MSRA: variants seen among roughly 807,000 people sequenced by gnomAD.
The protein encoded by MSRA is mitochondrial peptide methionine sulfoxide reductase.
In MSRA, 54 loss-of-function variants were observed where a neutral mutation model predicts 31.3. The ratio of observed to expected loss-of-function variants is 1.73; its 90% CI spans 1.39 to 2.17. The LOEUF (loss-of-function observed/expected upper bound fraction) is 2.17. Among genes scored for constraint, MSRA ranks in the 30% most tolerant of loss-of-function variants. The probability of loss-of-function intolerance (pLI) is 0.00; values close to 1 mark genes in which losing one functional copy is unlikely to be tolerated. For missense variants in MSRA, 507 were observed against 300.9 expected (o/e 1.69, Z -5.07); for synonymous variants, 169 against 116.5 (o/e 1.45, Z -2.90).
At chr8:10,348,604 G>A (rs555740474) in intron 5 of MSRA, among the ~76,000 whole-genome samples, 6 of 152,154 alleles carry the variant, frequency 3.9e-5, no homozygotes, top group African/African-American at 7.2e-5. Flanking sequence ...TCTTGACCTC[G>A]TGATCCGCCT....
chr8:10,177,738 C>T (rs566758654), intron 1 of MSRA, among the ~76,000 whole-genome samples: 2 of 152,328 alleles, frequency 1.3e-5, no homozygotes, highest in Non-Finnish European at 1.5e-5. Flanking sequence ...CTTTTTCTAG[C>T]AGCAGGTCTA....
At chr8:10,375,172 A>T (rs148449592) in intron 5 of MSRA, among the ~76,000 whole-genome samples, 1 of 152,132 alleles carries the variant, frequency 6.6e-6, no homozygotes, top group African/African-American at 2.4e-5. Context: ...TACAGCCACA[A>T]ATCTGCTCCC....
intron 5 of MSRA, among the ~76,000 whole-genome samples, chr8:10,323,919 G>T (rs369422631): frequency 6.6e-6 from 1 of 152,052 alleles, no homozygotes; most frequent in Non-Finnish European, 1.5e-5. Flanking sequence ...CATATAAACT[G>T]CTTAATCACC....
chr8:10,179,031 C>T (rs150179127), intron 1 of MSRA, among the ~76,000 whole-genome samples: 13 of 152,268 alleles, frequency 8.5e-5, no homozygotes, highest in Non-Finnish European at 1.8e-4. Flanking sequence ...TTCGTGAGCA[C>T]TAGAAAGAGT....
chr8:10,390,731 C>T (rs1806689227), intron 5 of MSRA, among the ~76,000 whole-genome samples: 1 of 152,088 alleles, frequency 6.6e-6, no homozygotes, highest in South Asian at 2.1e-4. Context: ...AGGGGATGGG[C>T]ACTGACTCCA....
At chr8:10,095,803 T>C in intron 1 of MSRA, 1 of 1,224,936 alleles carries the variant, frequency 8.2e-7, no homozygotes, top group Non-Finnish European at 1.0e-6. Flanking sequence ...TCACCAGTAT[T>C]AAGGGAAATA....
intron 5 of MSRA, chr8:10,336,653 C>G (rs1414894361): frequency 6.6e-6 from 1 of 152,076 alleles, no homozygotes; most frequent in African/African-American, 2.4e-5. Context: ...TTTTGTTGCT[C>G]TGTGTAGCCT....
rs186798865 is a variant in MSRA at position 10,402,031 on chromosome 8, G to A, written c.544-26117G>A. On this transcript the variant is annotated intron_variant, in intron 5 of 5. Transcript: ENST00000317173. ...ATGCATTTAATTGTATACTTACAAT[G>A]CCTAAAATAGTAAATATTATGTTAC... Among the ~76,000 whole-genome samples, 56 of 152,260 alleles carry A rather than the reference G, an allele frequency of 3.7e-4. 1 individual carries two copies. The highest frequency in any genetic ancestry group is 2.0e-3 in the Admixed American group (31 of 15,296).
At chr8:10,137,489 T>C (rs1171603913) in intron 1 of MSRA, among the ~76,000 whole-genome samples, 1 of 152,168 alleles carries the variant, frequency 6.6e-6, no homozygotes, top group Non-Finnish European at 1.5e-5. Context: ...CATTCCAAGA[T>C]TGTGGTATAC....
intron 1 of MSRA, among the ~76,000 whole-genome samples, chr8:10,115,924 C>A (rs1354794743): frequency 6.6e-6 from 1 of 152,154 alleles, no homozygotes; most frequent in East Asian, 1.9e-4. Flanking sequence ...TTGAATAAAA[C>A]CAGGTTGTGG....
At chr8:10,374,445 A>T (rs1267053482) in intron 5 of MSRA, among the ~76,000 whole-genome samples, 1 of 152,194 alleles carries the variant, frequency 6.6e-6, no homozygotes, top group African/African-American at 2.4e-5. Flanking sequence ...TACCGTGCAT[A>T]TGAGTCCCGC....
At chr8:10,195,998 C>G (rs1233634320) in intron 1 of MSRA, among the ~76,000 whole-genome samples, 1 of 152,160 alleles carries the variant, frequency 6.6e-6, no homozygotes, top group Non-Finnish European at 1.5e-5. Flanking sequence ...GGTGTGGGCC[C>G]ATCAGGCTCA....
intron 3 of MSRA, among the ~76,000 whole-genome samples, chr8:10,301,280 T>C (rs532079977): frequency 1.3e-5 from 2 of 152,292 alleles, no homozygotes; most frequent in African/African-American, 4.8e-5. Flanking sequence ...TTTCATGAAC[T>C]TAAAACAATT....
intron 3 of MSRA, among the ~76,000 whole-genome samples, chr8:10,282,116 A>C (rs1799654989): frequency 6.6e-6 from 1 of 152,190 alleles, no homozygotes; most frequent in Admixed American, 6.5e-5. Context: ...TGTCCTTTCT[A>C]ATGAATAGTA....
At chr8:10,148,469 A>C (rs887916136) in intron 1 of MSRA, among the ~76,000 whole-genome samples, 6 of 152,080 alleles carry the variant, frequency 3.9e-5, no homozygotes, top group Non-Finnish European at 5.9e-5. Flanking sequence ...CAACATGATG[A>C]AACCCCATCT....
chr8:10,358,288 G>C lies in MSRA; in HGVS notation c.543+38299G>C, dbSNP rs751806441. On this transcript the variant is annotated intron_variant, in intron 5 of 5. Transcript: ENST00000317173. ...TAAAGATACAGAATTAGAATATCCC[G>C]TAATTATTACAATAGTCCCAATAAC... 2.0e-5 allele frequency among the ~76,000 whole-genome samples: 3 copies of C among 152,272 alleles called. No homozygotes were observed. In the South Asian group the frequency reaches 6.2e-4, roughly 32 times the overall value.
intron 3 of MSRA, among the ~76,000 whole-genome samples, chr8:10,247,580 G>A (rs1284826910): frequency 6.6e-6 from 1 of 152,178 alleles, no homozygotes; most frequent in Non-Finnish European, 1.5e-5. Flanking sequence ...TGGTATGTTA[G>A]AGGCCTCTAG....
chr8:10,147,884 C>T (rs1327780443), intron 1 of MSRA, among the ~76,000 whole-genome samples: 1 of 152,204 alleles, frequency 6.6e-6, no homozygotes, highest in Non-Finnish European at 1.5e-5. Flanking sequence ...AGACCCCGGA[C>T]CACAACAACC....
intron 5 of MSRA, among the ~76,000 whole-genome samples, chr8:10,354,604 A>G (rs767418170): frequency 2.2e-4 from 33 of 152,118 alleles, no homozygotes; most frequent in Non-Finnish European, 4.1e-4. Flanking sequence ...TTCGTGAAAT[A>G]TCGGTCAGTA....
Sources: gnomAD v4.1 joint callset for allele counts (sites outside exome capture counted in the v4.1 genomes callset) on GRCh38, gnomAD v4.1.1 for gene constraint, MANE v1.5 for transcripts, NCBI Gene and HGNC (gene_info 2026-07-23, HGNC 2026-07-21) for gene names.